Variants in COL13A1 observed in about 807,000 individuals in gnomAD.
The protein encoded by COL13A1 is collagen type XIII alpha 1 chain, also known as collagen alpha-1(XIII) chain.
Under a neutral mutation model 130.9 loss-of-function variants are expected in COL13A1, and 89 were observed. The ratio of observed to expected loss-of-function variants is 0.68; its 90% CI spans 0.57 to 0.81. The LOEUF (loss-of-function observed/expected upper bound fraction) is 0.81, where lower values mean the gene tolerates loss of function less well. Ranked by LOEUF, COL13A1 falls within the 30% of genes least tolerant of loss-of-function variation. The probability of loss-of-function intolerance (pLI) is 0.00; values close to 1 mark genes in which losing one functional copy is unlikely to be tolerated. For missense variants in COL13A1, 879 were observed against 934.6 expected (o/e 0.94, Z 0.78); for synonymous variants, 402 against 341.6 (o/e 1.18, Z -1.95).
intron 32 of COL13A1, 132 bp from the exon 33 acceptor site, chr10:69,936,624 C>T (rs938444121): frequency 5.3e-6 from 5 of 949,222 alleles, no homozygotes; most frequent in African/African-American, 1.7e-5. Flanking sequence ...TTCTTTCTAC[C>T]TCTCATGGGC....
intron 1 of COL13A1, among the ~76,000 whole-genome samples, chr10:69,804,182 G>A (rs527434209): frequency 6.6e-5 from 10 of 152,004 alleles, no homozygotes; most frequent in Non-Finnish European, 1.5e-4. Flanking sequence ...AGCCCAGACT[G>A]GCTGGGTGGT....
intron 10 of COL13A1, among the ~76,000 whole-genome samples, chr10:69,891,105 G>A (rs148419171): frequency 4.4e-4 from 67 of 152,266 alleles, no homozygotes; most frequent in African/African-American, 1.1e-3. Context: ...GGATACAGAC[G>A]GGAGCAAGAG....
At chr10:69,928,730 A>G (rs2065706439) in intron 27 of COL13A1, among the ~76,000 whole-genome samples, 1 of 152,156 alleles carries the variant, frequency 6.6e-6, no homozygotes, top group Non-Finnish European at 1.5e-5. Context: ...CCCCACCTCC[A>G]CTTCAACCCA....
At position 69,940,720 on chromosome 10, in the gene COL13A1, G is replaced by A. The variant is rs1203912057; in HGVS notation, c.1879-268G>A. Among the ~76,000 whole-genome samples the A allele has an allele frequency of 2.6e-5, 4 of 152,320 alleles. No individual in the cohort carries two copies. In the South Asian group the frequency reaches 6.2e-4, roughly 24 times the overall value. ...AAAGGGAGAGAGGAGAAGGGGGGCG[G>A]GAGGAGCAGGTGGCCATCTGCGCCG... On this transcript the variant is annotated intron_variant, in intron 34 of 40. Transcript: ENST00000645393.
At position 69,802,278 on chromosome 10, in the gene COL13A1, T is replaced by C. The variant is rs566726889; in HGVS notation, c.-146T>C. 9.9e-7 allele frequency: 1 copy of C among 1,006,876 alleles called. No homozygotes were observed. Among genetic ancestry groups the C allele is most frequent in the South Asian group, 2.4e-5 (1 of 41,002 alleles). The allele number at this position is 1,006,876 out of a possible 1,614,324, so 62.4% of individuals were successfully genotyped here. A position where few individuals can be genotyped will look rare whatever the true frequency, so the allele number is the denominator to read the frequency against. On this transcript the variant is annotated 5_prime_UTR_variant, in exon 1 of 41. Coordinates refer to ENST00000645393, the MANE Select transcript of COL13A1 (RefSeq NM_001368882.1). ...TCTCCTACTGCTAATTTTTCCGTCCTCTTTGCCGGGAGCAGCGGAAAGGGA... is the reference window on the plus strand; with the variant it reads ...TCTCCTACTGCTAATTTTTCCGTCCCCTTTGCCGGGAGCAGCGGAAAGGGA...
chr10:69,924,631 TA>T (rs763760283), intron 24 of COL13A1, among the ~76,000 whole-genome samples: 2 of 151,842 alleles, frequency 1.3e-5, no homozygotes, highest in African/African-American at 2.4e-5. Context: ...AGGATGGAAT[TA>T]AAGAGAAGCA....
chr10:69,829,970 A>G (rs758169119), intron 2 of COL13A1, among the ~76,000 whole-genome samples: 1 of 152,168 alleles, frequency 6.6e-6, no homozygotes, highest in African/African-American at 2.4e-5. Context: ...TTTCTCCTAG[A>G]TCCGCTCTGA....
At chr10:69,869,507 G>A (rs1311223790) in intron 3 of COL13A1, among the ~76,000 whole-genome samples, 6 of 152,182 alleles carry the variant, frequency 3.9e-5, no homozygotes, top group Admixed American at 3.9e-4. Flanking sequence ...CCTGGGGGCT[G>A]GCTCTGTCCT....
At chr10:69,926,010 C>A in intron 26 of COL13A1, 138 bp downstream of exon 26, 1 of 682,778 alleles carries the variant, frequency 1.5e-6, no homozygotes, top group South Asian at 1.8e-5. Flanking sequence ...AGGAGAGCTG[C>A]TTCCTCGCTT....
intron 7 of COL13A1, among the ~76,000 whole-genome samples, chr10:69,883,984 T>A: frequency 6.6e-6 from 1 of 152,120 alleles, no homozygotes; most frequent in East Asian, 1.9e-4. Context: ...GATTTCGTGA[T>A]GATAAAAAAT....
At chr10:69,880,786 T>C (rs1459515805) in intron 7 of COL13A1, among the ~76,000 whole-genome samples, 3 of 152,230 alleles carry the variant, frequency 2.0e-5, no homozygotes, top group Non-Finnish European at 4.4e-5. Context: ...CTGAGGGACC[T>C]GCCCTCTAGC....
At chr10:69,905,894 C>CTCTTGGGTCT in intron 17 of COL13A1, 72 bp downstream of exon 17, 1 of 1,533,660 alleles carries the variant, frequency 6.5e-7, no homozygotes, top group Non-Finnish European at 8.9e-7. Context: ...ACCTCAGACC[C>CTCTTGGGTCT]AAGAGGGTCT....
chr10:69,861,875 A>G (rs955459316), intron 2 of COL13A1, among the ~76,000 whole-genome samples: 1 of 152,196 alleles, frequency 6.6e-6, no homozygotes, highest in Non-Finnish European at 1.5e-5. Flanking sequence ...TACCCCATCA[A>G]CCTGGGCTGG....
chr10:69,877,695 TCTCTCACACACACACA>T (rs1438986389), intron 5 of COL13A1: 29 of 112,238 alleles, frequency 2.6e-4, no homozygotes, highest in Admixed American at 7.2e-4. Context: ...TCTCTCTCTC[TCTCTCACACACACACA>T]CACACACACA....
Position 69,952,880 on chromosome 10 carries a change from A to G in COL13A1, c.2059-2A>G. On this transcript the variant is annotated splice_acceptor_variant, in intron 38 of 40. Transcript: ENST00000645393. LOFTEE classifies it high-confidence loss of function. ...TTTCTCGGACTAAACCATTATTTAC[A>G]GGGGGAGAGGGGGAAGAAAGGCTCT... is the stretch of plus-strand genomic sequence containing the variant. 1 of 1,547,976 alleles carries G rather than the reference A, an allele frequency of 6.5e-7. No homozygotes were observed. Among genetic ancestry groups the G allele is most frequent in the African/African-American group, 1.4e-5 (1 of 70,376 alleles).
At chr10:69,904,510 G>A (rs2135188001) in intron 15 of COL13A1, among the ~76,000 whole-genome samples, 1 of 152,304 alleles carries the variant, frequency 6.6e-6, no homozygotes, top group Admixed American at 6.5e-5. Flanking sequence ...TGGGCAGAAG[G>A]AGACAGAGGG....
chr10:69,856,604 G>A (rs1011163969), intron 2 of COL13A1, among the ~76,000 whole-genome samples: 1 of 152,226 alleles, frequency 6.6e-6, no homozygotes, highest in African/African-American at 2.4e-5. Context: ...ATGTCGTGGG[G>A]TTGTGGTAAA....
chr10:69,949,434 C>T (rs1038205721), intron 38 of COL13A1, among the ~76,000 whole-genome samples: 1 of 152,196 alleles, frequency 6.6e-6, no homozygotes, highest in Non-Finnish European at 1.5e-5. Flanking sequence ...CCTCCTGCCT[C>T]GGCTCCCAAA....
intron 12 of COL13A1, 71 bp from the exon 13 acceptor site, chr10:69,895,478 TG>T: frequency 1.3e-6 from 2 of 1,537,652 alleles, no homozygotes; most frequent in Non-Finnish European, 1.8e-6. Flanking sequence ...CCTGAAGTGC[TG>T]GGGGTGCCCT....
Sources: gnomAD v4.1 joint callset for allele counts (sites outside exome capture counted in the v4.1 genomes callset) on GRCh38, gnomAD v4.1.1 for gene constraint, MANE v1.5 for transcripts, NCBI Gene and HGNC (gene_info 2026-07-23, HGNC 2026-07-21) for gene names.